The following GPC5 variants were observed in gnomAD, a reference collection of about 807,000 sequenced individuals.
GPC5 encodes glypican-5.
In GPC5, 47 loss-of-function variants were observed where a neutral mutation model predicts 53.9. That is an observed-to-expected ratio of 0.87 (90% CI 0.69 to 1.11). The LOEUF is 1.11. Among genes scored for constraint, GPC5 ranks in the 50% most tolerant of loss-of-function variants. GPC5 has a pLI of 0.00. For missense variants in GPC5, 748 were observed against 713.1 expected (o/e 1.05, Z -0.56); for synonymous variants, 286 against 263.3 (o/e 1.09, Z -0.84).
intron 7 of GPC5, among the ~76,000 whole-genome samples, chr13:92,487,707 T>C (rs1194018988): frequency 6.6e-6 from 1 of 151,914 alleles, no homozygotes; most frequent in African/African-American, 2.4e-5. Flanking sequence ...CTGTGAGAAA[T>C]GGAAGTAAAT....
intron 5 of GPC5, among the ~76,000 whole-genome samples, chr13:91,813,994 G>A (rs2038359519): frequency 1.5e-5 from 2 of 134,668 alleles, no homozygotes; most frequent in South Asian, 2.4e-4. Context: ...GTGCAGTGGC[G>A]TGATCTCGGC....
chr13:92,850,328 A>C (rs992856027), intron 7 of GPC5, among the ~76,000 whole-genome samples: 6 of 152,292 alleles, frequency 3.9e-5, no homozygotes, highest in Admixed American at 2.6e-4. Flanking sequence ...GGCTGGGCAC[A>C]GTTATTCACA....
chr13:91,458,261 C>G (rs149728984), intron 2 of GPC5, among the ~76,000 whole-genome samples: 3 of 151,942 alleles, frequency 2.0e-5, no homozygotes, highest in African/African-American at 7.2e-5. Flanking sequence ...GGAGGGTGAT[C>G]GGAAAGGATA....
chr13:91,490,432 A>T (rs886623948), intron 2 of GPC5, among the ~76,000 whole-genome samples: 87 of 152,256 alleles, frequency 5.7e-4, no homozygotes, highest in African/African-American at 2.1e-3. Context: ...GTAGACTAGG[A>T]TATTTAAGTA....
Position 91,399,427 on chromosome 13 carries a change from C to T in GPC5, c.163+218C>T, listed in dbSNP as rs189807778. 5.2e-3 allele frequency among the ~76,000 whole-genome samples: 794 copies of T among 152,284 alleles called. 10 individuals are homozygous for T. Among genetic ancestry groups the T allele is most frequent in the African/African-American group, 0.018 (754 of 41,562 alleles). On this transcript the variant is annotated intron_variant, in intron 1 of 7. Transcript: ENST00000377067. ...CCTAACCAAGCCTGCGACGAATCCC[C>T]GTTCTGGGCATCTGCTTCCCGCCCG...
At chr13:91,848,199 T>C (rs1298884424) in intron 5 of GPC5, among the ~76,000 whole-genome samples, 1 of 152,214 alleles carries the variant, frequency 6.6e-6, no homozygotes, top group Non-Finnish European at 1.5e-5. Context: ...TGTCCCTTAC[T>C]CTCACCTTGA....
chr13:92,824,726 GAAA>G (rs5805766), intron 7 of GPC5, among the ~76,000 whole-genome samples: 13 of 150,040 alleles, frequency 8.7e-5, no homozygotes, highest in Non-Finnish European at 1.8e-4. Flanking sequence ...AATGCCTTTT[GAAA>G]AAAAAAACTT....
intron 7 of GPC5, among the ~76,000 whole-genome samples, chr13:92,660,093 A>G (rs1417567111): frequency 6.6e-6 from 1 of 152,182 alleles, no homozygotes; most frequent in African/African-American, 2.4e-5. Flanking sequence ...GTAATTCCTT[A>G]TTACATTTAG....
At chr13:91,861,954 T>C (rs1302306888) in intron 5 of GPC5, among the ~76,000 whole-genome samples, 2 of 151,880 alleles carry the variant, frequency 1.3e-5, no homozygotes, top group African/African-American at 4.8e-5. Flanking sequence ...CAGTAACATT[T>C]CCTTTATTCC....
intron 5 of GPC5, among the ~76,000 whole-genome samples, chr13:91,864,905 T>C (rs900454615): frequency 1.7e-4 from 26 of 151,396 alleles, no homozygotes; most frequent in African/African-American, 4.3e-4. Context: ...TTCTTTCTTT[T>C]TTTTTTTTTT....
At chr13:92,166,083 C>T (rs1437342667) in intron 7 of GPC5, among the ~76,000 whole-genome samples, 1 of 152,122 alleles carries the variant, frequency 6.6e-6, no homozygotes, top group Non-Finnish European at 1.5e-5. Context: ...GCAGAAGAAA[C>T]TTACTTAAAG....
At chr13:92,598,531 C>T (rs1410306264) in intron 7 of GPC5, among the ~76,000 whole-genome samples, 1 of 151,976 alleles carries the variant, frequency 6.6e-6, no homozygotes, top group Non-Finnish European at 1.5e-5. Flanking sequence ...CTTATTTAAC[C>T]CTTTTTATTC....
intron 7 of GPC5, among the ~76,000 whole-genome samples, chr13:92,323,946 G>A (rs919369496): frequency 4.0e-5 from 6 of 151,730 alleles, no homozygotes; most frequent in South Asian, 2.1e-4. Flanking sequence ...AAGATGAGTT[G>A]GTTTTTAACA....
In GPC5 at chr13:92,092,354, A is replaced by G. The variant is rs77917667; in HGVS notation, c.1402-52476A>G. 8.0e-3 allele frequency among the ~76,000 whole-genome samples: 1,221 copies of G among 152,298 alleles called. 73 individuals carry two copies. The highest frequency in any genetic ancestry group is 0.068 in the Admixed American group (1,035 of 15,294). ...TTGATAAGGCTTTTATTTGATAACA[A>G]TTTAAAATTATGCCACCAGATGCCT... is the stretch of plus-strand genomic sequence containing the variant. On this transcript the variant is annotated intron_variant, in intron 6 of 7. Coordinates refer to ENST00000377067, the MANE Select transcript of GPC5 (RefSeq NM_004466.6).
At chr13:92,099,952 G>A (rs1483548698) in intron 6 of GPC5, among the ~76,000 whole-genome samples, 2 of 152,162 alleles carry the variant, frequency 1.3e-5, no homozygotes, top group Non-Finnish European at 2.9e-5. Flanking sequence ...TCCTCCTTGA[G>A]CCAAAAGATC....
At chr13:91,608,777 T>C (rs775267601) in intron 2 of GPC5, among the ~76,000 whole-genome samples, 81 of 152,082 alleles carry the variant, frequency 5.3e-4, no homozygotes, top group Non-Finnish European at 9.3e-4. Flanking sequence ...TTATATTTAG[T>C]TTTGTGTAAT....
At chr13:92,296,759 G>GCAGC (rs928168490) in intron 7 of GPC5, among the ~76,000 whole-genome samples, 13 of 152,198 alleles carry the variant, frequency 8.5e-5, no homozygotes, top group Non-Finnish European at 1.9e-4. Context: ...CGCACTTGGA[G>GCAGC]CAGCCAGCCA....
intron 7 of GPC5, among the ~76,000 whole-genome samples, chr13:92,224,948 T>A (rs925688142): frequency 1.3e-5 from 2 of 152,202 alleles, no homozygotes; most frequent in African/African-American, 4.8e-5. Flanking sequence ...AGTCCTATAG[T>A]CCTAGCAAAT....
At chr13:91,939,726 A>G (rs531111168) in intron 6 of GPC5, among the ~76,000 whole-genome samples, 1 of 152,262 alleles carries the variant, frequency 6.6e-6, no homozygotes, top group East Asian at 1.9e-4. Flanking sequence ...ACTTCAGAAG[A>G]TTAGACCACA....
Sources: gnomAD v4.1 joint callset for allele counts (sites outside exome capture counted in the v4.1 genomes callset) on GRCh38, gnomAD v4.1.1 for gene constraint, MANE v1.5 for transcripts, NCBI Gene and HGNC (gene_info 2026-07-23, HGNC 2026-07-21) for gene names.